The following KRABD5 variants were observed in gnomAD, a reference collection of about 807,000 sequenced individuals.
The protein encoded by KRABD5 is KRAB domain containing 5, also known as KRAB domain-containing protein 5.
the KRABD5 span, among the ~76,000 whole-genome samples, chr16:31,718,656 C>T: frequency 2.6e-5 from 4 of 152,134 alleles, no homozygotes; most frequent in African/African-American, 9.7e-5. Context: ...CTTTCTTGTA[C>T]CCAAGAGTTA....
At chr16:31,722,920 T>TTGATCTTGACA in the KRABD5 span, among the ~76,000 whole-genome samples, 431 of 152,344 alleles carry the variant, frequency 2.8e-3, 2 homozygotes, top group African/African-American at 9.7e-3. Flanking sequence ...TTCCTAATGT[T>TTGATCTTGACA]TGATCTTGAC....
At chr16:31,749,710 G>C in the KRABD5 span, among the ~76,000 whole-genome samples, 2 of 152,290 alleles carry the variant, frequency 1.3e-5, no homozygotes, top group Non-Finnish European at 2.9e-5. Flanking sequence ...CCTCCCCTGT[G>C]TGGCTCTCAA....
the KRABD5 span, among the ~76,000 whole-genome samples, chr16:31,746,984 GT>G: frequency 3.0e-3 from 424 of 142,720 alleles, no homozygotes; most frequent in African/African-American, 4.5e-3. Flanking sequence ...TTATGTTTCT[GT>G]TTTTTTTTTT....
the KRABD5 span, among the ~76,000 whole-genome samples, chr16:31,748,442 C>T: frequency 6.6e-6 from 1 of 152,166 alleles, no homozygotes; most frequent in Non-Finnish European, 1.5e-5. Flanking sequence ...CAGCTTTGTT[C>T]TTTTGGCTTA....
chr16:31,735,106 T>C, the KRABD5 span, among the ~76,000 whole-genome samples: 8 of 151,138 alleles, frequency 5.3e-5, no homozygotes, highest in African/African-American at 9.7e-5. Context: ...TTCTCTCTCT[T>C]TCTTTCTTTT....
the KRABD5 span, chr16:31,756,808 T>C: frequency 2.0e-5 from 3 of 152,280 alleles, no homozygotes; most frequent in East Asian, 5.8e-4. Flanking sequence ...AAATGGAATA[T>C]ACAGATGTAC....
the KRABD5 span, among the ~76,000 whole-genome samples, chr16:31,718,951 T>C: frequency 6.6e-6 from 1 of 152,230 alleles, no homozygotes; most frequent in South Asian, 2.1e-4. Context: ...GTTCCTCCAC[T>C]CACAGAAGGA....
chr16:31,744,080 T>C, the KRABD5 span, among the ~76,000 whole-genome samples: 1 of 152,160 alleles, frequency 6.6e-6, no homozygotes, highest in Non-Finnish European at 1.5e-5. Context: ...CAGAGACAAA[T>C]TGACTTCCTC....
chr16:31,734,421 TA>T, the KRABD5 span, among the ~76,000 whole-genome samples: 3 of 152,052 alleles, frequency 2.0e-5, no homozygotes, highest in East Asian at 5.8e-4. Context: ...TGGCTAATTT[TA>T]AAAAATTTTT....
At chr16:31,752,200 C>T in the KRABD5 span, among the ~76,000 whole-genome samples, 1 of 151,928 alleles carries the variant, frequency 6.6e-6, no homozygotes, top group Non-Finnish European at 1.5e-5. Flanking sequence ...TCAAGTATGT[C>T]CTGTGTGCAT....
At chr16:31,713,501 CTT>C in the KRABD5 span, 1 of 1,564,228 alleles carries the variant, frequency 6.4e-7, no homozygotes, top group Non-Finnish European at 8.7e-7. Context: ...CGGGAACCCT[CTT>C]TGAGGTTAGC....
the KRABD5 span, chr16:31,713,583 G>A: frequency 1.6e-6 from 2 of 1,218,876 alleles, no homozygotes; most frequent in Admixed American, 5.6e-5. Flanking sequence ...CAAGATGGCG[G>A]CCGGGCCGGC....
the KRABD5 span, among the ~76,000 whole-genome samples, chr16:31,726,836 A>G: frequency 6.6e-6 from 1 of 152,204 alleles, no homozygotes; most frequent in African/African-American, 2.4e-5. Flanking sequence ...TGGAATTTTA[A>G]TAGGGATTAC....
chr16:31,724,199 CTTTTCTT>C, the KRABD5 span, among the ~76,000 whole-genome samples: 1 of 151,782 alleles, frequency 6.6e-6, no homozygotes, highest in Non-Finnish European at 1.5e-5. Context: ...CTTTCTTTTC[CTTTTCTT>C]TTTTCTTTTC....
the KRABD5 span, among the ~76,000 whole-genome samples, chr16:31,722,986 C>T: frequency 2.6e-5 from 4 of 152,110 alleles, no homozygotes; most frequent in South Asian, 2.1e-4. Flanking sequence ...AGTAGTGATT[C>T]TAGAAAATTG....
chr16:31,748,348 A>G, the KRABD5 span, among the ~76,000 whole-genome samples: 10 of 152,126 alleles, frequency 6.6e-5, no homozygotes, highest in East Asian at 1.9e-4. Context: ...CCATTGGTCT[A>G]TATCTCTGTT....
the KRABD5 span, among the ~76,000 whole-genome samples, chr16:31,730,367 A>G: frequency 6.6e-6 from 1 of 151,998 alleles, no homozygotes. Context: ...CACTTTTAAT[A>G]TATGGTATCA....
the KRABD5 span, among the ~76,000 whole-genome samples, chr16:31,745,775 GA>G: frequency 1.3e-5 from 2 of 152,158 alleles, no homozygotes; most frequent in Non-Finnish European, 2.9e-5. Context: ...AAGTCTCTAA[GA>G]ACTTGTTTTA....
chr16:31,743,382 C>A, the KRABD5 span, among the ~76,000 whole-genome samples: 1 of 152,264 alleles, frequency 6.6e-6, no homozygotes, highest in East Asian at 1.9e-4. Context: ...ATAGGGAATC[C>A]TTTCCCCATT....
Sources: gnomAD v4.1 joint callset for allele counts (sites outside exome capture counted in the v4.1 genomes callset) on GRCh38, gnomAD v4.1.1 for gene constraint, MANE v1.5 for transcripts, NCBI Gene and HGNC (gene_info 2026-07-23, HGNC 2026-07-21) for gene names.